The following ACP2 variants were observed in gnomAD, a reference collection of about 807,000 sequenced individuals.
The protein encoded by ACP2 is acid phosphatase 2, lysosomal.
ACP2 carries 35 observed loss-of-function variants against 54.7 expected under a neutral mutation model. The ratio of observed to expected loss-of-function variants is 0.64; its 90% CI spans 0.49 to 0.85. The LOEUF is 0.85. Among genes scored for constraint, ACP2 ranks in the 40% least tolerant of loss-of-function variants. The pLI is 0.00. For synonymous variants in ACP2, 210 were observed against 224.4 expected (o/e 0.94, Z 0.57); for missense variants, 492 against 565.0 (o/e 0.87, Z 1.31).
At chr11:47,243,926 C>T (rs1049409968) in intron 7 of ACP2, among the ~76,000 whole-genome samples, 2 of 151,972 alleles carry the variant, frequency 1.3e-5, no homozygotes, top group Non-Finnish European at 2.9e-5. Flanking sequence ...CACCAGAGGT[C>T]AGGAGTTTGA....
At position 47,248,100 on chromosome 11, in the gene ACP2, T is replaced by G; in HGVS notation, c.148A>C (p.Thr50Pro). Residue 50 changes from threonine (T) to proline (P), a missense_variant, in exon 2 of 11, where the codon ACA becomes CCA. Physicochemically the swap from Thr to Pro is conservative, Grantham distance 38. Coordinates refer to ENST00000672073, the MANE Select transcript of ACP2 (RefSeq NM_001610.4). The part of the protein sequence containing the change: ...YRHGDRSPVK[T>P]YPKDPYQEEE... The stretch of plus-strand genomic sequence containing the variant: ...TCCTGATAGGGGTCCTTGGGATATG[T>G]CTTCACTGGTGAACGGTCTCCATGG... 1 of 1,611,660 alleles carries G rather than the reference T, an allele frequency of 6.2e-7. No individual in the cohort carries two copies. Among genetic ancestry groups the G allele is most frequent in the South Asian group, 1.1e-5 (1 of 90,674 alleles).
chr11:47,245,452 C>T, intron 5 of ACP2, 22 bp downstream of exon 5: 2 of 1,614,232 alleles, frequency 1.2e-6, no homozygotes, highest in Non-Finnish European at 1.7e-6. Context: ...GCGTGGTGAG[C>T]TGCACCTCTG....
intron 7 of ACP2, 26 bp from the exon 8 acceptor site, chr11:47,243,347 G>C (rs952463842): frequency 8.8e-6 from 14 of 1,599,216 alleles, no homozygotes; most frequent in Non-Finnish European, 9.4e-6. Context: ...CCCCGGTGTT[G>C]CTGGCTACAG....
chr11:47,241,425 G>T (rs1203205753), intron 10 of ACP2, among the ~76,000 whole-genome samples: 1 of 152,180 alleles, frequency 6.6e-6, no homozygotes, highest in Non-Finnish European at 1.5e-5. Context: ...GCTGAGGCAG[G>T]AGAATCACTT....
chr11:47,248,133 G>C lies in ACP2; in HGVS notation c.115C>G (p.Leu39Val). ...RARSLRFVTLLYRHGDRSPVK... is the reference protein window; with the variant it reads ...RARSLRFVTLVYRHGDRSPVK... The stretch of plus-strand genomic sequence containing the variant: ...GGTGAACGGTCTCCATGGCGGTACA[G>C]CTGAGAGAATAAAATGGTTTGCCTA... The change falls in exon 2 of 11, where the codon CTG becomes GTG. Residue 39 changes from leucine to valine, a missense_variant and splice_region_variant. By Grantham distance (32) the Leu-to-Val change is conservative (BLOSUM62 1). Coordinates refer to ENST00000672073, the MANE Select transcript of ACP2 (RefSeq NM_001610.4). 1 of 1,597,732 alleles carries C rather than the reference G, an allele frequency of 6.3e-7. No individual in the cohort carries two copies. Among genetic ancestry groups the C allele is most frequent in the Non-Finnish European group, 8.5e-7 (1 of 1,174,608 alleles).
At chr11:47,241,471 T>C (rs963439925) in intron 10 of ACP2, among the ~76,000 whole-genome samples, 1 of 152,032 alleles carries the variant, frequency 6.6e-6, no homozygotes, top group Non-Finnish European at 1.5e-5. Context: ...GAGCCGAGAT[T>C]GCGCCACTGC....
chr11:47,240,907 CATT>C (rs2135523765), intron 10 of ACP2, among the ~76,000 whole-genome samples: 1 of 151,894 alleles, frequency 6.6e-6, no homozygotes, highest in African/African-American at 2.4e-5. Context: ...GGGAAGGCAT[CATT>C]GAGAAAGTGA....
intron 1 of ACP2, 94 bp downstream of exon 1, chr11:47,248,582 A>T: frequency 6.4e-7 from 1 of 1,552,018 alleles, no homozygotes; most frequent in Non-Finnish European, 8.7e-7. Context: ...CCCCTCCTAA[A>T]CCAGCTGTTC....
chr11:47,248,467 G>T (rs1565168690), intron 1 of ACP2: 2 of 1,547,350 alleles, frequency 1.3e-6, no homozygotes, highest in African/African-American at 2.7e-5. Context: ...CCACTTCCCT[G>T]TCTCAAGGCA....
intron 6 of ACP2, 60 bp from the exon 7 acceptor site, chr11:47,244,927 GCT>G (rs543817995): frequency 9.6e-5 from 146 of 1,520,614 alleles, no homozygotes; most frequent in Admixed American, 6.4e-4. Flanking sequence ...CCAGGGGGCA[GCT>G]CTCTTCCCTA....
chr11:47,245,393 T>C lies in ACP2; in HGVS notation c.551A>G (p.Gln184Arg). 6.2e-7 allele frequency: 1 copy of C among 1,614,088 alleles called. No individual in the cohort carries two copies. The highest frequency in any genetic ancestry group is 8.5e-7 in the Non-Finnish European group (1 of 1,180,006). The change falls in exon 6 of 11, where the codon CAA (glutamine) becomes CGA (arginine). Residue 184 changes from glutamine to arginine, a missense_variant and splice_region_variant. Gln to Arg is a conservative substitution (Grantham distance 43). Coordinates refer to ENST00000672073, the MANE Select transcript of ACP2 (RefSeq NM_001610.4). Reference sequence around the variant, plus strand: ...CTCGTTGGCCACCATGTCCAGAAATTGCTATGAAAAATGGATCAGGGTCTC... The same window carrying C: ...CTCGTTGGCCACCATGTCCAGAAATCGCTATGAAAAATGGATCAGGGTCTC... ...EYQNESSRNA[Q>R]FLDMVANETG... is the part of the protein sequence containing the mutation.
chr11:47,247,883 A>C, intron 2 of ACP2, 155 bp downstream of exon 2: 1 of 903,022 alleles, frequency 1.1e-6, no homozygotes. Context: ...CATGCACAGC[A>C]ATATCATGGG....
Position 47,245,298 on chromosome 11 carries a change from G to A in ACP2, c.639+7C>T, listed in dbSNP as rs1423150649. The A allele has an allele frequency of 6.2e-7, 1 of 1,613,650 alleles. No individual in the cohort carries two copies. On this transcript the variant is annotated splice_region_variant and intron_variant, in intron 6 of 10. Transcript: ENST00000672073. ...AATGATCACAGTGGGCACCCTAGTG[G>A]GCTCACCTCACAGAAGAGTGTGTCA...
chr11:47,244,280 T>G (rs1953972355), intron 7 of ACP2, among the ~76,000 whole-genome samples: 1 of 151,894 alleles, frequency 6.6e-6, no homozygotes, highest in Admixed American at 6.6e-5. Flanking sequence ...AATACAAAAA[T>G]TAGCTGGGCA....
chr11:47,244,423 G>A (rs1040429369), intron 7 of ACP2, among the ~76,000 whole-genome samples: 1 of 152,112 alleles, frequency 6.6e-6, no homozygotes, highest in African/African-American at 2.4e-5. Context: ...ACTGAGGCAG[G>A]AGAATTGCTT....
At chr11:47,242,399 A>C (rs1436935418) in intron 10 of ACP2, among the ~76,000 whole-genome samples, 1 of 152,210 alleles carries the variant, frequency 6.6e-6, no homozygotes, top group Non-Finnish European at 1.5e-5. Context: ...AGAGAAGCAG[A>C]GGCGTCAGAG....
chr11:47,244,091 C>T (rs1445499619), intron 7 of ACP2, among the ~76,000 whole-genome samples: 3 of 151,946 alleles, frequency 2.0e-5, no homozygotes, highest in African/African-American at 4.8e-5. Context: ...GAGCCGAGAT[C>T]GTGCCACTCT....
intron 3 of ACP2, 23 bp from the exon 4 acceptor site, chr11:47,245,857 CGT>C (rs58712815): frequency 0.12 from 163,058 of 1,405,746 alleles, 897 homozygotes; most frequent in Non-Finnish European, 0.13. Context: ...CAACACAAGT[CGT>C]GTGTGTGTGT....
At chr11:47,243,439 T>G (rs1375225347) in intron 7 of ACP2, 118 bp from the exon 8 acceptor site, 2 of 758,924 alleles carry the variant, frequency 2.6e-6, no homozygotes, top group African/African-American at 3.5e-5. Context: ...CACGGAGAAC[T>G]CTTTAGTGTC....
Sources: allele counts gnomAD v4.1 joint callset (sites outside exome capture counted in the v4.1 genomes callset), GRCh38; gene constraint gnomAD v4.1.1; transcripts MANE v1.5; gene names NCBI Gene and HGNC (gene_info 2026-07-23, HGNC 2026-07-21).